MYRIP: variants seen among roughly 807,000 people sequenced by gnomAD.
The protein encoded by MYRIP is rab effector MyRIP.
Under a neutral mutation model 98.0 loss-of-function variants are expected in MYRIP, and 49 were observed. The ratio of observed to expected loss-of-function variants is 0.50; its 90% CI spans 0.40 to 0.63. The LOEUF is 0.63. Ranked by LOEUF, MYRIP falls within the 30% of genes least tolerant of loss-of-function variation. The pLI is 0.00. For missense variants in MYRIP, 1,004 were observed against 1,058.2 expected (o/e 0.95, Z 0.71); for synonymous variants, 404 against 409.5 (o/e 0.99, Z 0.16).
At chr3:40,146,370 G>A (rs976278736) in intron 3 of MYRIP, among the ~76,000 whole-genome samples, 37 of 152,286 alleles carry the variant, frequency 2.4e-4, no homozygotes, top group African/African-American at 8.4e-4. Context: ...CAGTGTGAGC[G>A]TGTTTGTTAA....
chr3:39,861,029 T>C (rs889971026), intron 1 of MYRIP, among the ~76,000 whole-genome samples: 3 of 152,240 alleles, frequency 2.0e-5, no homozygotes, highest in African/African-American at 7.2e-5. Flanking sequence ...CTGGCACATG[T>C]GAATGAGCAC....
chr3:39,880,769 G>A (rs961764644), intron 1 of MYRIP, among the ~76,000 whole-genome samples: 1 of 152,042 alleles, frequency 6.6e-6, no homozygotes, highest in African/African-American at 2.4e-5. Flanking sequence ...ACATTTTGTT[G>A]TTATTATTTA....
chr3:40,054,652 A>G (rs915298219), intron 3 of MYRIP, among the ~76,000 whole-genome samples: 1 of 152,126 alleles, frequency 6.6e-6, no homozygotes, highest in Non-Finnish European at 1.5e-5. Context: ...CTGCCTTCAA[A>G]CTCAAGCTGC....
chr3:39,956,895 A>G (rs1945180310), intron 2 of MYRIP, among the ~76,000 whole-genome samples: 1 of 151,878 alleles, frequency 6.6e-6, no homozygotes. Context: ...AGAATACTAT[A>G]AACACCCCTA....
chr3:39,963,978 AC>A (rs922360557), intron 2 of MYRIP, among the ~76,000 whole-genome samples: 2 of 152,064 alleles, frequency 1.3e-5, no homozygotes, highest in Non-Finnish European at 2.9e-5. Context: ...AAAATAGTTC[AC>A]TGTCTTCTAT....
At chr3:39,822,174 T>C (rs1575273472) in intron 1 of MYRIP, among the ~76,000 whole-genome samples, 2 of 152,236 alleles carry the variant, frequency 1.3e-5, no homozygotes, top group Admixed American at 1.3e-4. Flanking sequence ...TACTATATTA[T>C]ATTTTTAAGT....
chr3:40,131,956 A>G (rs940235190), intron 3 of MYRIP, among the ~76,000 whole-genome samples: 1 of 152,164 alleles, frequency 6.6e-6, no homozygotes, highest in African/African-American at 2.4e-5. Flanking sequence ...CTAGACATAT[A>G]AACAAGGGTT....
chr3:39,990,303 GC>G (rs1375588644), intron 2 of MYRIP, among the ~76,000 whole-genome samples: 2 of 152,310 alleles, frequency 1.3e-5, no homozygotes, highest in Non-Finnish European at 2.9e-5. Flanking sequence ...GTGGATCACA[GC>G]AGCCACCTAG....
intron 2 of MYRIP, among the ~76,000 whole-genome samples, chr3:40,015,444 C>G (rs1319366463): frequency 6.6e-6 from 1 of 152,176 alleles, no homozygotes; most frequent in Non-Finnish European, 1.5e-5. Context: ...TCAGGCTCAC[C>G]TTTCACAGAG....
At chr3:39,888,104 C>T (rs942395332) in intron 1 of MYRIP, among the ~76,000 whole-genome samples, 1 of 151,996 alleles carries the variant, frequency 6.6e-6, no homozygotes, top group Non-Finnish European at 1.5e-5. Flanking sequence ...CCATACTTCC[C>T]AAGGTAATTT....
intron 3 of MYRIP, among the ~76,000 whole-genome samples, chr3:40,085,584 A>G (rs1422558516): frequency 6.6e-6 from 1 of 152,154 alleles, no homozygotes; most frequent in Admixed American, 6.6e-5. Flanking sequence ...ACACCCAGCC[A>G]GCAGATATAT....
intron 11 of MYRIP, among the ~76,000 whole-genome samples, chr3:40,230,849 G>A (rs9878694): frequency 0.053 from 7,933 of 148,992 alleles, 665 homozygotes; most frequent in African/African-American, 0.18. Flanking sequence ...TTTTTTAGGC[G>A]GAATTTCGCT....
chr3:40,002,631 A>T (rs1181375256), intron 2 of MYRIP, among the ~76,000 whole-genome samples: 1 of 152,136 alleles, frequency 6.6e-6, no homozygotes, highest in African/African-American at 2.4e-5. Context: ...TTTCTGCCTC[A>T]GAGACATAAG....
At position 40,258,124 on chromosome 3, in the gene MYRIP, C is replaced by G. The variant is rs1426662890; in HGVS notation, c.2548-10C>G. On this transcript the variant is annotated splice_polypyrimidine_tract_variant and intron_variant, in intron 16 of 16. Coordinates refer to ENST00000302541, the MANE Select transcript of MYRIP (RefSeq NM_015460.4). ...TGGCTGATGGGAGTGTGTTCAATGT[C>G]TCACCTCAGGAGCCTGCTCTGGAGT... is the stretch of plus-strand genomic sequence containing the variant. 1.2e-6 allele frequency: 2 copies of G among 1,614,082 alleles called. No individual in the cohort carries two copies. Among genetic ancestry groups the G allele is most frequent in the Non-Finnish European group, 1.7e-6 (2 of 1,180,026 alleles).
chr3:40,127,248 ATGTTAGATCAATGATGCCTCATATAACTC>A (rs1949542473), intron 3 of MYRIP, among the ~76,000 whole-genome samples: 2 of 152,226 alleles, frequency 1.3e-5, no homozygotes, highest in East Asian at 3.8e-4. Context: ...ACGCTTAAGC[ATGTTAGATCAATGATGCCTCATATAACTC>A]TGCCAGATAA....
At chr3:39,943,319 C>G (rs1944831435) in intron 2 of MYRIP, among the ~76,000 whole-genome samples, 2 of 152,118 alleles carry the variant, frequency 1.3e-5, no homozygotes, top group Admixed American at 6.5e-5. Context: ...TATGATGACT[C>G]CATCCAATGA....
rs114022713 is a variant in MYRIP, at chr3:40,179,160, G to A, written c.874-3060G>A. On this transcript the variant is annotated intron_variant, in intron 8 of 16. Coordinates refer to ENST00000302541, the MANE Select transcript of MYRIP (RefSeq NM_015460.4). ...TGTTGTGGTGCCCTCTGCTGGGCGT[G>A]TGTTGCTTGTAATGAATTTGTGGCA... 5.9e-3 allele frequency among the ~76,000 whole-genome samples: 896 copies of A among 152,294 alleles called. 5 individuals are homozygous for A. Among genetic ancestry groups the A allele is most frequent in the African/African-American group, 0.016 (656 of 41,554 alleles).
intron 2 of MYRIP, among the ~76,000 whole-genome samples, chr3:40,042,510 T>A (rs34800808): frequency 0.29 from 44,702 of 151,942 alleles, 7,611 homozygotes; most frequent in Admixed American, 0.42. Flanking sequence ...AACGGGAGAA[T>A]ATATTTGCCA....
chr3:40,078,615 ACT>A (rs1304738228), intron 3 of MYRIP, among the ~76,000 whole-genome samples: 2 of 151,890 alleles, frequency 1.3e-5, no homozygotes, highest in Non-Finnish European at 1.5e-5. Context: ...TGAATTCAAG[ACT>A]CTCTTCCTCC....
Sources: gnomAD v4.1 joint callset for allele counts (sites outside exome capture counted in the v4.1 genomes callset) on GRCh38, gnomAD v4.1.1 for gene constraint, MANE v1.5 for transcripts, NCBI Gene and HGNC (gene_info 2026-07-23, HGNC 2026-07-21) for gene names.